Variants in PLCB1 observed in about 807,000 individuals in gnomAD.
The protein encoded by PLCB1 is phospholipase C beta 1.
A neutral mutation model predicts 161.8 loss-of-function variants in PLCB1; 46 were observed. That is an observed-to-expected ratio of 0.28 (90% CI 0.22 to 0.36). The LOEUF is 0.36. PLCB1 is among the 10% of genes least tolerant of loss of function. The pLI, the probability that PLCB1 is intolerant of heterozygous loss-of-function variation, is 1.00. For missense variants in PLCB1, 1,016 were observed against 1,472.5 expected (o/e 0.69, Z 5.07); for synonymous variants, 517 against 503.7 (o/e 1.03, Z -0.35).
intron 2 of PLCB1, among the ~76,000 whole-genome samples, chr20:8,341,654 C>T (rs1199145730): frequency 6.6e-6 from 1 of 152,138 alleles, no homozygotes; most frequent in Non-Finnish European, 1.5e-5. Context: ...GACTTTCTAC[C>T]TCCTTTATAT....
At chr20:8,458,695 G>A (rs1165788507) in intron 3 of PLCB1, among the ~76,000 whole-genome samples, 3 of 152,084 alleles carry the variant, frequency 2.0e-5, no homozygotes, top group Admixed American at 1.3e-4. Flanking sequence ...TACATTACCT[G>A]TCTGGGATGA....
At chr20:8,139,554 G>C (rs1165804785) in intron 1 of PLCB1, among the ~76,000 whole-genome samples, 1 of 152,016 alleles carries the variant, frequency 6.6e-6, no homozygotes, top group Admixed American at 6.5e-5. Flanking sequence ...TTGATATCTA[G>C]AAGATTAAGA....
At chr20:8,155,947 C>G (rs76840544) in intron 2 of PLCB1, among the ~76,000 whole-genome samples, 6,602 of 152,196 alleles carry the variant, frequency 0.043, 177 homozygotes, top group South Asian at 0.12. Context: ...GTGTGTCAGT[C>G]ATTGTTGACT....
chr20:8,295,078 GTGGATAATACCTGT>G (rs1983569264), intron 2 of PLCB1, among the ~76,000 whole-genome samples: 1 of 152,094 alleles, frequency 6.6e-6, no homozygotes, highest in African/African-American at 2.4e-5. Context: ...ACATATTATA[GTGGATAATACCTGT>G]TGGATAAAAC....
intron 3 of PLCB1, among the ~76,000 whole-genome samples, chr20:8,523,858 A>G (rs1279990234): frequency 6.6e-6 from 1 of 152,038 alleles, no homozygotes; most frequent in Non-Finnish European, 1.5e-5. Context: ...ACACAGAGGA[A>G]GCAACTCCAC....
intron 3 of PLCB1, among the ~76,000 whole-genome samples, chr20:8,594,436 T>C (rs1317836511): frequency 2.0e-5 from 3 of 152,072 alleles, no homozygotes; most frequent in Non-Finnish European, 4.4e-5. Flanking sequence ...TGCAAGTCAT[T>C]GGGGATCTGG....
chr20:8,777,234 G>T (rs1357798904), intron 27 of PLCB1, among the ~76,000 whole-genome samples: 1 of 152,088 alleles, frequency 6.6e-6, no homozygotes, highest in Non-Finnish European at 1.5e-5. Flanking sequence ...TTGAGCAGAG[G>T]ATTGATGTGA....
chr20:8,710,915 C>T (rs900866842), intron 12 of PLCB1, among the ~76,000 whole-genome samples: 4 of 152,076 alleles, frequency 2.6e-5, no homozygotes, highest in Admixed American at 1.3e-4. Context: ...AAATATCAAC[C>T]GCCACCACCA....
At chr20:8,628,701 G>A (rs565478193) in intron 4 of PLCB1, 1 of 308,936 alleles carries the variant, frequency 3.2e-6, no homozygotes, top group East Asian at 6.7e-5. Flanking sequence ...TTGGGAGGCC[G>A]AGGCGGACAG....
intron 2 of PLCB1, among the ~76,000 whole-genome samples, chr20:8,342,135 G>A (rs192700644): frequency 4.6e-5 from 7 of 152,148 alleles, no homozygotes; most frequent in African/African-American, 1.7e-4. Context: ...AGAATTTAAA[G>A]GTTTGGCTTT....
At chr20:8,303,181 G>T (rs1983984840) in intron 2 of PLCB1, among the ~76,000 whole-genome samples, 2 of 152,190 alleles carry the variant, frequency 1.3e-5, no homozygotes, top group Admixed American at 6.5e-5. Context: ...CATAAGAAGA[G>T]CATCTGGGCT....
chr20:8,190,714 G>T (rs2051960749), intron 2 of PLCB1, among the ~76,000 whole-genome samples: 1 of 152,200 alleles, frequency 6.6e-6, no homozygotes, highest in South Asian at 2.1e-4. Context: ...TTAAGGGCGA[G>T]CATTAACTCT....
chr20:8,525,799 G>A (rs954930631), intron 3 of PLCB1, among the ~76,000 whole-genome samples: 18 of 144,454 alleles, frequency 1.2e-4, no homozygotes, highest in African/African-American at 3.6e-4. Flanking sequence ...TTTTTTGCTT[G>A]GAGGCTAGAG....
At chr20:8,179,941 C>G (rs1465295838) in intron 2 of PLCB1, among the ~76,000 whole-genome samples, 20 of 139,560 alleles carry the variant, frequency 1.4e-4, no homozygotes, top group African/African-American at 5.4e-4. Context: ...TCACTGCAAG[C>G]TCCGCCTCCC....
intron 31 of PLCB1, among the ~76,000 whole-genome samples, chr20:8,793,629 G>A (rs4423677): frequency 0.65 from 98,503 of 151,884 alleles, 32,159 homozygotes; most frequent in East Asian, 0.85. Context: ...GGTGACAGAC[G>A]AGTACTTAAC....
chr20:8,750,702 G>A, intron 23 of PLCB1: 4 of 421,516 alleles, frequency 9.5e-6, no homozygotes, highest in Non-Finnish European at 1.8e-5. Flanking sequence ...TCAACTAATA[G>A]AAATTTAAGG....
intron 9 of PLCB1, among the ~76,000 whole-genome samples, chr20:8,679,747 T>C (rs1425519262): frequency 6.6e-6 from 1 of 152,214 alleles, no homozygotes; most frequent in Non-Finnish European, 1.5e-5. Flanking sequence ...ACATGTCCAA[T>C]GGCATACTGA....
chr20:8,327,283 C>T (rs545758344), intron 2 of PLCB1, among the ~76,000 whole-genome samples: 7 of 152,214 alleles, frequency 4.6e-5, no homozygotes, highest in African/African-American at 1.7e-4. Context: ...TATGTTGTTC[C>T]GCCATATGCT....
At chr20:8,405,840 C>CA (rs1978763254) in intron 3 of PLCB1, among the ~76,000 whole-genome samples, 1 of 152,086 alleles carries the variant, frequency 6.6e-6, no homozygotes, top group Non-Finnish European at 1.5e-5. Context: ...TCCATGTTCT[C>CA]AAAGTTATTT....
Sources: gnomAD v4.1 joint callset for allele counts (sites outside exome capture counted in the v4.1 genomes callset) on GRCh38, gnomAD v4.1.1 for gene constraint, MANE v1.5 for transcripts, NCBI Gene and HGNC (gene_info 2026-07-23, HGNC 2026-07-21) for gene names.